Variants in RBFOX2 observed in about 807,000 individuals in gnomAD.
RBFOX2 encodes the protein RNA binding fox-1 homolog 2.
A neutral mutation model predicts 49.1 loss-of-function variants in RBFOX2; 10 were observed. The observed-to-expected ratio is 0.20, with a 90% CI of 0.13 to 0.35. The LOEUF is 0.35. Ranked by LOEUF, RBFOX2 falls within the 10% of genes least tolerant of loss-of-function variation. The pLI, the probability that RBFOX2 is intolerant of heterozygous loss-of-function variation, is 1.00. For synonymous variants in RBFOX2, 183 were observed against 187.4 expected (o/e 0.98, Z 0.19); for missense variants, 323 against 486.9 (o/e 0.66, Z 3.17).
At chr22:35,792,593 T>C (rs1452780267) in intron 2 of RBFOX2, among the ~76,000 whole-genome samples, 4 of 152,294 alleles carry the variant, frequency 2.6e-5, no homozygotes, top group East Asian at 3.9e-4. Flanking sequence ...TCTCATCTAA[T>C]CTTGCAAACA....
intron 9 of RBFOX2, among the ~76,000 whole-genome samples, chr22:35,751,186 T>C (rs1934779311): frequency 2.0e-5 from 3 of 152,258 alleles, no homozygotes; most frequent in Admixed American, 6.5e-5. Context: ...TTTTGCCTTG[T>C]CTTGATTTTA....
At chr22:35,744,007 G>A in exon 12 of RBFOX2, 1 of 446,720 alleles carries the variant, frequency 2.2e-6, no homozygotes, top group Non-Finnish European at 3.8e-6. Context: ...ATTAAAGGCA[G>A]AAATTTAAAG....
chr22:35,804,412 A>G (rs180864480), intron 2 of RBFOX2, among the ~76,000 whole-genome samples: 40 of 152,338 alleles, frequency 2.6e-4, no homozygotes, highest in African/African-American at 8.7e-4. Flanking sequence ...GAACCCAAGT[A>G]TGATAAAAAC....
At chr22:35,974,038 C>T (rs1037504203) in intron 1 of RBFOX2, among the ~76,000 whole-genome samples, 13 of 152,146 alleles carry the variant, frequency 8.5e-5, no homozygotes, top group African/African-American at 3.1e-4. Context: ...GTAGGAGGTG[C>T]CTATAAGAGA....
At chr22:35,831,239 C>T (rs544173307) in intron 1 of RBFOX2, among the ~76,000 whole-genome samples, 1 of 152,082 alleles carries the variant, frequency 6.6e-6, no homozygotes, top group East Asian at 1.9e-4. Context: ...GTCAGGAGAT[C>T]GAGACCATCC....
At chr22:35,746,637 C>G in intron 9 of RBFOX2, 76 bp from the exon 12 acceptor site, 1 of 793,944 alleles carries the variant, frequency 1.3e-6, no homozygotes, top group Non-Finnish European at 1.9e-6. Flanking sequence ...CCCGCCCACA[C>G]ACAGACGTAC....
At chr22:35,768,842 A>AT (rs901865403) in intron 4 of RBFOX2, among the ~76,000 whole-genome samples, 4 of 151,910 alleles carry the variant, frequency 2.6e-5, no homozygotes, top group Non-Finnish European at 4.4e-5. Flanking sequence ...GCATAATGAG[A>AT]TTTTTTTTAA....
chr22:36,001,424 G>A (rs994379405), intron 1 of RBFOX2, among the ~76,000 whole-genome samples: 7 of 152,004 alleles, frequency 4.6e-5, no homozygotes, highest in African/African-American at 1.7e-4. Flanking sequence ...AAATATAAAT[G>A]ATTTGTAGAA....
chr22:35,839,522 ACT>A (rs1157213477), intron 1 of RBFOX2, among the ~76,000 whole-genome samples: 3 of 151,536 alleles, frequency 2.0e-5, no homozygotes, highest in Admixed American at 2.0e-4. Context: ...TCCATTTCCT[ACT>A]CTCTCTCCTT....
chr22:35,913,909 G>A (rs2050117201), intron 1 of RBFOX2, among the ~76,000 whole-genome samples: 1 of 152,098 alleles, frequency 6.6e-6, no homozygotes, highest in Admixed American at 6.6e-5. Flanking sequence ...CTTTATGGAG[G>A]AAGGAGAAAA....
rs367633849 is a variant in RBFOX2 at position 35,742,779 on chromosome 22, G to A, written c.*1416C>T. 5 of 152,526 alleles carry A rather than the reference G, an allele frequency of 3.3e-5. No individual in the cohort carries two copies. The South Asian group carries it at 1.0e-3, about 32-fold the overall frequency. 9.4% of individuals were successfully genotyped at this position (152,526 alleles called of 1,614,324 possible). A position where few individuals can be genotyped will look rare whatever the true frequency, so the allele number is the denominator to read the frequency against. On this transcript the variant is annotated 3_prime_UTR_variant, in exon 12 of 12. Coordinates refer to ENST00000405409, the Ensembl canonical transcript of RBFOX2. ...GACTCACTGCGCGACTCTTTCTGGT[G>A]ATATAGAAGACCCTTGCCATCGCAG...
At chr22:35,838,000 T>C (rs1252167320) in intron 1 of RBFOX2, among the ~76,000 whole-genome samples, 5 of 152,150 alleles carry the variant, frequency 3.3e-5, no homozygotes, top group African/African-American at 7.2e-5. Flanking sequence ...CAAGAGGCAA[T>C]AGAAAACTCA....
Position 35,746,496 on chromosome 22 carries a change from G to A in RBFOX2, c.953C>T (p.Pro318Leu), listed in dbSNP as rs142561018. Residue 318 changes from proline (P) to leucine (L), a missense_variant, in exon 10 of 12, where the codon CCG (proline) becomes CTG (leucine). Around this residue, in one of 2 missense-constraint regions of RBFOX2, gnomAD observed 200 missense variants for 370.0 expected, o/e 0.54. Transcript: ENST00000405409. ...ACCCGTCACTGTAAGCGGCTGCAGC[G>A]GCTGCAGCAGCGGTGGCTGCGGTTG... 2.5e-5 allele frequency: 40 copies of A among 1,606,406 alleles called. No individual in the cohort carries two copies. The African/African-American group carries it at 2.5e-4, about 10-fold the overall frequency.
chr22:35,914,460 C>T (rs1466907358), intron 1 of RBFOX2, among the ~76,000 whole-genome samples: 1 of 152,134 alleles, frequency 6.6e-6, no homozygotes, highest in African/African-American at 2.4e-5. Flanking sequence ...ATAACTTTTC[C>T]AAGGTTGCAA....
chr22:35,813,485 A>G (rs574823781), intron 1 of RBFOX2, among the ~76,000 whole-genome samples: 2 of 152,326 alleles, frequency 1.3e-5, no homozygotes, highest in African/African-American at 4.8e-5. Context: ...TTTAGTCCAC[A>G]AGGCTAGACA....
intron 1 of RBFOX2, among the ~76,000 whole-genome samples, chr22:35,825,113 G>C (rs1955371392): frequency 1.3e-5 from 2 of 152,188 alleles, no homozygotes; most frequent in East Asian, 1.9e-4. Context: ...CCACTTACTT[G>C]GGAGGCTGAG....
chr22:35,885,469 ATAAAGATCATCTGTC>A (rs1223173716), intron 1 of RBFOX2, among the ~76,000 whole-genome samples: 1 of 152,238 alleles, frequency 6.6e-6, no homozygotes, highest in Non-Finnish European at 1.5e-5. Flanking sequence ...ACACAAGAGC[ATAAAGATCATCTGTC>A]TAATCATATG....
chr22:35,854,186 T>C (rs977911490), intron 1 of RBFOX2, among the ~76,000 whole-genome samples: 3 of 152,186 alleles, frequency 2.0e-5, no homozygotes, highest in Non-Finnish European at 1.5e-5. Context: ...CACTCCAGCC[T>C]GGGCAACGAA....
At chr22:35,865,344 T>C (rs2043549337) in intron 1 of RBFOX2, among the ~76,000 whole-genome samples, 1 of 152,178 alleles carries the variant, frequency 6.6e-6, no homozygotes, top group African/African-American at 2.4e-5. Flanking sequence ...TTGTTTTATA[T>C]TGAAAACAAT....
Sources: allele counts gnomAD v4.1 joint callset (sites outside exome capture counted in the v4.1 genomes callset), GRCh38; gene constraint gnomAD v4.1.1; regional missense constraint gnomAD v4.1.1; transcripts MANE v1.5; gene names NCBI Gene and HGNC (gene_info 2026-07-23, HGNC 2026-07-21).